Variants in SAMD5 observed in about 807,000 individuals in gnomAD.
The protein encoded by SAMD5 is sterile alpha motif domain-containing protein 5.
In SAMD5, 13 loss-of-function variants were observed where a neutral mutation model predicts 11.3. The ratio of observed to expected loss-of-function variants is 1.15; its 90% CI spans 0.75 to 1.83. The LOEUF (loss-of-function observed/expected upper bound fraction) is 1.83. SAMD5 is among the 40% of genes most tolerant of loss of function. The pLI is 0.00. For missense variants in SAMD5, 255 were observed against 239.1 expected (o/e 1.07, Z -0.44); for synonymous variants, 129 against 111.3 (o/e 1.16, Z -1.00).
chr6:147,540,507 A>G (rs1788582786), intron 1 of SAMD5, among the ~76,000 whole-genome samples: 1 of 152,250 alleles, frequency 6.6e-6, no homozygotes, highest in Non-Finnish European at 1.5e-5. Flanking sequence ...AACAAGACAG[A>G]GGAATTTCAT....
the SAMD5 span, among the ~76,000 whole-genome samples, chr6:147,891,802 T>C: frequency 7.3e-5 from 11 of 151,388 alleles, no homozygotes; most frequent in Non-Finnish European, 1.5e-4. Context: ...AAAAAAAACC[T>C]AGAGCTTGGC....
the SAMD5 span, among the ~76,000 whole-genome samples, chr6:147,870,658 A>G: frequency 2.2e-4 from 34 of 151,524 alleles, no homozygotes; most frequent in Admixed American, 7.9e-4. Context: ...AAAAAATTCA[A>G]TCGGCAATTC....
At chr6:147,561,017 T>G (rs1219685190) in intron 1 of SAMD5, among the ~76,000 whole-genome samples, 1 of 152,166 alleles carries the variant, frequency 6.6e-6, no homozygotes, top group Non-Finnish European at 1.5e-5. Context: ...TTAGCAATGT[T>G]TTCCTAGAAA....
intron 1 of SAMD5, 150 bp downstream of exon 1, chr6:147,509,537 G>GTA (rs1054180413): frequency 5.0e-6 from 3 of 601,800 alleles, no homozygotes; most frequent in Non-Finnish European, 8.0e-6. Context: ...TGTTCTTTCT[G>GTA]TATTAGCCCA....
At chr6:147,824,689 T>A in the SAMD5 span, among the ~76,000 whole-genome samples, 1 of 152,206 alleles carries the variant, frequency 6.6e-6, no homozygotes, top group African/African-American at 2.4e-5. Flanking sequence ...TAAATGTAAA[T>A]TTAAAATTTA....
chr6:147,664,582 A>T (rs1260506545), intron 1 of SAMD5, among the ~76,000 whole-genome samples: 1 of 152,204 alleles, frequency 6.6e-6, no homozygotes, highest in African/African-American at 2.4e-5. Context: ...ATTCCTGCTA[A>T]TATTCAGCAA....
the SAMD5 span, among the ~76,000 whole-genome samples, chr6:147,820,637 G>A: frequency 6.6e-6 from 1 of 152,178 alleles, no homozygotes; most frequent in South Asian, 2.1e-4. Flanking sequence ...GAACAAAAGG[G>A]CTTCTATTGT....
rs1788043520 is a variant in SAMD5, at chr6:147,509,224, G to A, written c.296G>A (p.Cys99Tyr). 1 of 1,385,528 alleles carries A rather than the reference G, an allele frequency of 7.2e-7. No individual in the cohort carries two copies. The highest frequency in any genetic ancestry group is 9.4e-7 in the Non-Finnish European group (1 of 1,064,094). 85.8% of individuals were successfully genotyped at this position (1,385,528 alleles called of 1,614,324 possible). ...CCCACCGGCCGCCGGGGGGAGCCGTGCGGCGGCCCGGCCCAGGGCACCCGC... is the reference window on the plus strand; with the variant it reads ...CCCACCGGCCGCCGGGGGGAGCCGTACGGCGGCCCGGCCCAGGGCACCCGC... ...AVPTGRRGEP[C>Y]GGPAQGTRGD... Residue 99 changes from cysteine (C) to tyrosine (Y), a missense_variant, in exon 1 of 2, where the codon TGC (cysteine) becomes TAC (tyrosine). Cys to Tyr is a radical substitution (Grantham distance 194). Transcript: ENST00000367474.
the SAMD5 span, among the ~76,000 whole-genome samples, chr6:147,819,507 T>TA: frequency 6.6e-6 from 1 of 152,240 alleles, no homozygotes; most frequent in South Asian, 2.1e-4. Context: ...TAATAAATTC[T>TA]TTTCTTGCTA....
At chr6:147,837,104 G>A in the SAMD5 span, among the ~76,000 whole-genome samples, 1 of 152,170 alleles carries the variant, frequency 6.6e-6, no homozygotes, top group Non-Finnish European at 1.5e-5. Context: ...GTTAGCAAGA[G>A]TATTGTCTCG....
At chr6:147,916,412 C>T in the SAMD5 span, among the ~76,000 whole-genome samples, 1 of 152,146 alleles carries the variant, frequency 6.6e-6, no homozygotes, top group African/African-American at 2.4e-5. Context: ...TCTCCAGCAC[C>T]TGTTGTTTCC....
At chr6:147,532,796 A>G (rs1164894118) in intron 1 of SAMD5, among the ~76,000 whole-genome samples, 1 of 152,176 alleles carries the variant, frequency 6.6e-6, no homozygotes, top group Non-Finnish European at 1.5e-5. Flanking sequence ...CAACATCTAC[A>G]TAGCCTTTCT....
chr6:147,602,692 C>T lies in SAMD5; in HGVS notation c.162+93305C>T, dbSNP rs1313225990. 2.0e-5 allele frequency among the ~76,000 whole-genome samples: 3 copies of T among 152,012 alleles called. No individual in the cohort carries two copies. In the East Asian group the frequency reaches 5.8e-4, roughly 29 times the overall value. On this transcript the variant is annotated intron_variant, in intron 1 of 1. Coordinates refer to the SAMD5 transcript ENST00000566741. ...CTGGGAGGCGGAGGTTGTAGTGAGCCAAGATTGCACCACTGCACTGTAGCC... is the reference window on the plus strand; with the variant it reads ...CTGGGAGGCGGAGGTTGTAGTGAGCTAAGATTGCACCACTGCACTGTAGCC...
intron 1 of SAMD5, among the ~76,000 whole-genome samples, chr6:147,672,558 T>C (rs1790809217): frequency 6.6e-6 from 1 of 152,198 alleles, no homozygotes; most frequent in Non-Finnish European, 1.5e-5. Flanking sequence ...GGTATATTTT[T>C]ATCCAGGAAA....
At chr6:147,882,873 C>T in the SAMD5 span, among the ~76,000 whole-genome samples, 5 of 152,200 alleles carry the variant, frequency 3.3e-5, no homozygotes, top group Non-Finnish European at 5.9e-5. Context: ...TTGTTTAATA[C>T]AATACCTGAA....
intron 1 of SAMD5, among the ~76,000 whole-genome samples, chr6:147,578,863 A>G (rs986348571): frequency 1.3e-5 from 2 of 152,132 alleles, no homozygotes; most frequent in Non-Finnish European, 2.9e-5. Flanking sequence ...GAAGAGTTAG[A>G]CATGGGTTTG....
intron 1 of SAMD5, among the ~76,000 whole-genome samples, chr6:147,576,300 C>T (rs941276734): frequency 2.6e-5 from 4 of 151,954 alleles, no homozygotes; most frequent in Middle Eastern, 3.2e-3. Context: ...ACCACCATGC[C>T]GGGCTAATTT....
At chr6:147,873,510 T>TAGAAAGAGG in the SAMD5 span, among the ~76,000 whole-genome samples, 1 of 152,146 alleles carries the variant, frequency 6.6e-6, no homozygotes, top group African/African-American at 2.4e-5. Context: ...GTGAGTTTTA[T>TAGAAAGAGG]AGAAAGAGGA....
At chr6:147,720,875 A>T (rs1791541836) in intron 1 of SAMD5, among the ~76,000 whole-genome samples, 2 of 125,010 alleles carry the variant, frequency 1.6e-5, no homozygotes, top group Admixed American at 8.7e-5. Flanking sequence ...CAGTCCCCAG[A>T]GTGTGATGTT....
Sources: allele counts gnomAD v4.1 joint callset (sites outside exome capture counted in the v4.1 genomes callset), GRCh38; gene constraint gnomAD v4.1.1; transcripts MANE v1.5; gene names NCBI Gene and HGNC (gene_info 2026-07-23, HGNC 2026-07-21).